ADH7: variants seen among roughly 807,000 people sequenced by gnomAD.
ADH7 encodes all-trans-retinol dehydrogenase [NAD(+)] ADH7.
ADH7 carries 41 observed loss-of-function variants against 34.4 expected under a neutral mutation model. The observed-to-expected ratio is 1.19, with a 90% CI of 0.93 to 1.55. The LOEUF is 1.55. Among genes scored for constraint, ADH7 ranks in the 40% most tolerant of loss-of-function variants. The pLI is 0.00. For missense variants in ADH7, 540 were observed against 461.2 expected (o/e 1.17, Z -1.56); for synonymous variants, 180 against 160.9 (o/e 1.12, Z -0.90).
intron 5 of ADH7, among the ~76,000 whole-genome samples, chr4:99,427,034 T>C (rs1011705461): frequency 1.3e-5 from 2 of 152,186 alleles, no homozygotes; most frequent in African/African-American, 2.4e-5. Context: ...AAACTCTCAA[T>C]AAACTAGGTA....
chr4:99,429,195 G>A (rs80026111), intron 2 of ADH7, among the ~76,000 whole-genome samples: 4,657 of 152,238 alleles, frequency 0.031, 124 homozygotes, highest in Non-Finnish European at 0.043. Flanking sequence ...TTTGCAAAAA[G>A]TAACCTCAAA....
Position 99,419,100 on chromosome 4 carries a change from G to C in ADH7, c.847C>G (p.His283Asp), listed in dbSNP as rs1348964035. ...ACCACGCTGGTCCCATAGTTCATGTGGCAGGATGCCAGGGCATCAATCTGA... is the reference window on the plus strand; with the variant it reads ...ACCACGCTGGTCCCATAGTTCATGTCGCAGGATGCCAGGGCATCAATCTGA... Reference protein sequence around the residue: ...ETMIDALASCHMNYGTSVVVG... With the variant: ...ETMIDALASCDMNYGTSVVVG... The change falls in exon 7 of 9, where the codon CAC becomes GAC. Residue 283 changes from histidine (H) to aspartate (D), a missense_variant. Transcript: ENST00000437033. The C allele has an allele frequency of 6.2e-7, 1 of 1,613,694 alleles. No homozygotes were observed.
Position 99,424,681 on chromosome 4 carries a change from G to A in ADH7, c.564+3092C>T, listed in dbSNP as rs1721758271. Among the ~76,000 whole-genome samples the A allele has an allele frequency of 2.6e-5, 4 of 152,142 alleles. No individual in the cohort carries two copies. In the South Asian group the frequency reaches 8.3e-4, roughly 31 times the overall value. ...TCACTCATGATTTGGCTCTCTGTTT[G>A]TTATTGGTGTGTAAGAATGCTTGTG... On this transcript the variant is annotated intron_variant, in intron 5 of 8. Coordinates refer to ENST00000437033, the MANE Select transcript of ADH7 (RefSeq NM_000673.7).
intron 8 of ADH7, among the ~76,000 whole-genome samples, chr4:99,413,652 C>T (rs927773936): frequency 2.0e-5 from 3 of 152,152 alleles, no homozygotes; most frequent in Admixed American, 1.3e-4. Context: ...AAGACATTGG[C>T]ATTTTGGCAA....
At chr4:99,434,667 T>C (rs1260205709) in intron 1 of ADH7, among the ~76,000 whole-genome samples, 1 of 152,180 alleles carries the variant, frequency 6.6e-6, no homozygotes, top group African/African-American at 2.4e-5. Flanking sequence ...ACCAATAATA[T>C]AGTCTTGATT....
intron 7 of ADH7, among the ~76,000 whole-genome samples, chr4:99,416,291 C>T (rs1721514507): frequency 6.6e-6 from 1 of 152,094 alleles, no homozygotes; most frequent in Non-Finnish European, 1.5e-5. Flanking sequence ...TTTCTGGATC[C>T]TGTTCCTTTC....
chr4:99,427,480 C>T (rs1413603357), intron 5 of ADH7, among the ~76,000 whole-genome samples: 1 of 152,008 alleles, frequency 6.6e-6, no homozygotes, highest in East Asian at 1.9e-4. Context: ...TGAGATTGTC[C>T]TATCTTAACA....
rs1721441443 is a variant in ADH7, at chr4:99,413,027, T to G, written c.*121A>C. The G allele has an allele frequency of 9.4e-7, 1 of 1,061,936 alleles. No homozygotes were observed. The highest frequency in any genetic ancestry group is 1.4e-6 in the Non-Finnish European group (1 of 704,772). The allele number at this position is 1,061,936 out of a possible 1,614,324, so 65.8% of individuals were successfully genotyped here. ...AATTCTTTATAAGGGTTCTATGTCTTCAACAAATCTTCTACTTATGCTTGT... is the reference window on the plus strand; with the variant it reads ...AATTCTTTATAAGGGTTCTATGTCTGCAACAAATCTTCTACTTATGCTTGT... On this transcript the variant is annotated 3_prime_UTR_variant, in exon 9 of 9. Transcript: ENST00000437033.
chr4:99,433,373 T>A (rs1721981298), intron 1 of ADH7, among the ~76,000 whole-genome samples: 1 of 152,200 alleles, frequency 6.6e-6, no homozygotes, highest in South Asian at 2.1e-4. Flanking sequence ...TGAGTACAGC[T>A]ACATAAACTA....
At chr4:99,415,643 T>C in intron 7 of ADH7, 27 bp from the exon 8 acceptor site, 2 of 1,602,794 alleles carry the variant, frequency 1.2e-6, no homozygotes, top group Non-Finnish European at 1.7e-6. Context: ...ATTTTCTCTT[T>C]AGACATTACT....
rs1722024065 is a variant in ADH7 at position 99,435,334 on chromosome 4, A to C, written c.-101T>G. 2 of 1,522,778 alleles carry C rather than the reference A, an allele frequency of 1.3e-6. No individual in the cohort carries two copies. Among genetic ancestry groups the C allele is most frequent in the African/African-American group, 1.4e-5 (1 of 72,960 alleles). 94.3% of individuals were successfully genotyped at this position (1,522,778 alleles called of 1,614,324 possible). On this transcript the variant is annotated 5_prime_UTR_variant, in exon 1 of 9. Transcript: ENST00000437033. ...ATAACAGCAGCTTGTGCCTTCACAT[A>C]GATAGTCTGGCTTCAGAGTTCCACC...
chr4:99,432,228 A>G (rs572381599), intron 1 of ADH7, among the ~76,000 whole-genome samples: 10 of 152,288 alleles, frequency 6.6e-5, no homozygotes, highest in Admixed American at 5.9e-4. Context: ...AAAACTAAAT[A>G]CTACATGTTC....
rs1721626386 is a variant in ADH7 at position 99,420,604 on chromosome 4, C to T, written c.754G>A (p.Glu252Lys). The change falls in exon 6 of 9, where the codon GAG becomes AAG. Residue 252 changes from glutamate (E) to lysine (K), a missense_variant. By Grantham distance (56) the Glu-to-Lys change is moderately conservative (BLOSUM62 1). Coordinates refer to ENST00000437033, the MANE Select transcript of ADH7 (RefSeq NM_000673.7). ...SPKDSTKPIS[E>K]VLSEMTGNNV... The stretch of plus-strand genomic sequence containing the variant: ...TTGCCTGTCATTTCTGACAGCACCT[C>T]ACTGATGGGTTTGGTAGAGTCCTTG... 1 of 1,613,834 alleles carries T rather than the reference C, an allele frequency of 6.2e-7. No individual in the cohort carries two copies. The highest frequency in any genetic ancestry group is 1.3e-5 in the African/African-American group (1 of 74,888).
At chr4:99,434,060 C>A (rs765080148) in intron 1 of ADH7, among the ~76,000 whole-genome samples, 12 of 152,054 alleles carry the variant, frequency 7.9e-5, no homozygotes, top group Non-Finnish European at 1.0e-4. Flanking sequence ...AACTTTTATA[C>A]TCTTTATATA....
chr4:99,415,107 C>G (rs918398335), intron 8 of ADH7, among the ~76,000 whole-genome samples: 28 of 152,240 alleles, frequency 1.8e-4, no homozygotes, highest in African/African-American at 6.3e-4. Flanking sequence ...TTCACAAGAT[C>G]TGATGGTTTT....
Position 99,420,462 on chromosome 4 carries a change from G to T in ADH7, c.825+71C>A. Reference sequence around the variant, plus strand: ...ATTATTGACTATTAATAAAGTTATAGACAATTAAATTTACCTTGTGCATGT... The same window carrying T: ...ATTATTGACTATTAATAAAGTTATATACAATTAAATTTACCTTGTGCATGT... On this transcript the variant is annotated intron_variant, in intron 6 of 8. Transcript: ENST00000437033. The T allele has an allele frequency of 1.4e-6, 2 of 1,463,152 alleles. 1 individual carries two copies. The highest frequency in any genetic ancestry group is 2.5e-5 in the South Asian group (2 of 80,160). 90.6% of individuals were successfully genotyped at this position (1,463,152 alleles called of 1,614,324 possible). A position where few individuals can be genotyped will look rare whatever the true frequency, so the allele number is the denominator to read the frequency against.
chr4:99,419,765 TG>T (rs1283395598), intron 6 of ADH7, among the ~76,000 whole-genome samples: 3 of 152,174 alleles, frequency 2.0e-5, no homozygotes, highest in African/African-American at 7.2e-5. Context: ...GAATGCTATT[TG>T]TTGATATGAA....
intron 8 of ADH7, among the ~76,000 whole-genome samples, chr4:99,415,159 G>A (rs1721487371): frequency 6.6e-6 from 1 of 152,102 alleles, no homozygotes; most frequent in Non-Finnish European, 1.5e-5. Flanking sequence ...TCTCCTTCCT[G>A]CAGCCTGTGA....
chr4:99,417,099 C>T (rs1177343593), intron 7 of ADH7, among the ~76,000 whole-genome samples: 2 of 152,134 alleles, frequency 1.3e-5, no homozygotes, highest in Non-Finnish European at 2.9e-5. Flanking sequence ...ATGACTTCTT[C>T]CATGCTCTCC....
Sources: gnomAD v4.1 joint callset for allele counts (sites outside exome capture counted in the v4.1 genomes callset) on GRCh38, gnomAD v4.1.1 for gene constraint, MANE v1.5 for transcripts, NCBI Gene and HGNC (gene_info 2026-07-23, HGNC 2026-07-21) for gene names.